KDM1B: variants seen among roughly 807,000 people sequenced by gnomAD.
KDM1B encodes lysine-specific histone demethylase 2.
A neutral mutation model predicts 107.4 loss-of-function variants in KDM1B; 63 were observed. The observed-to-expected ratio is 0.59, with a 90% CI of 0.48 to 0.72. The LOEUF (loss-of-function observed/expected upper bound fraction) is 0.72, where lower values mean the gene tolerates loss of function less well. Ranked by LOEUF, KDM1B falls within the 30% of genes least tolerant of loss-of-function variation. KDM1B has a pLI of 0.00. For synonymous variants in KDM1B, 363 were observed against 363.9 expected (o/e 1.00, Z 0.03); for missense variants, 749 against 1,020.8 (o/e 0.73, Z 3.63).
At chr6:18,210,263 A>G (rs1788728824) in intron 17 of KDM1B, among the ~76,000 whole-genome samples, 1 of 139,854 alleles carries the variant, frequency 7.2e-6, no homozygotes, top group Non-Finnish European at 1.6e-5. Flanking sequence ...TCTCGCTTTT[A>G]TTACTTACTA....
Position 18,205,946 on chromosome 6 carries a change from C to A in KDM1B, c.1659+282C>A, listed in dbSNP as rs528401012. On this transcript the variant is annotated intron_variant, in intron 15 of 21. Coordinates refer to ENST00000650836, the MANE Select transcript of KDM1B (RefSeq NM_001364614.2). This position sits in a 1 kb window ranked among gnomAD's most constrained non-coding sequence, Gnocchi z 5.7. ...GGCGGAAGTCGTAGTGAGCTGGGAT[C>A]GCGCCACTGCACTCCAGCCTGGAGT... Among the ~76,000 whole-genome samples the A allele has an allele frequency of 2.0e-5, 3 of 151,946 alleles. No homozygotes were observed. Among genetic ancestry groups the A allele is most frequent in the African/African-American group, 4.8e-5 (2 of 41,364 alleles).
chr6:18,165,643 C>T (rs183084941), intron 5 of KDM1B, among the ~76,000 whole-genome samples: 5 of 151,912 alleles, frequency 3.3e-5, no homozygotes, highest in South Asian at 4.1e-4. Flanking sequence ...GCCAACATGA[C>T]GAAACCCCAT....
At chr6:18,179,913 G>GAGT (rs951592116) in intron 7 of KDM1B, among the ~76,000 whole-genome samples, 6 of 125,682 alleles carry the variant, frequency 4.8e-5, no homozygotes, top group Non-Finnish European at 9.5e-5. Context: ...TCCCAGGCCA[G>GAGT]AGTACAGTGG....
In KDM1B at chr6:18,214,371, T is replaced by A. The variant is rs1249041322; in HGVS notation, c.2109+590T>A. On this transcript the variant is annotated intron_variant, in intron 19 of 21. Transcript: ENST00000650836. The surrounding 1 kb of genome is among the most constrained non-coding windows in gnomAD (Gnocchi z 4.4). Reference sequence around the variant, plus strand: ...ATTTTCTTTACCATTTGAGGTTTTTTTATTTTTCATTGTTTTATCTGCAGA... The same window carrying A: ...ATTTTCTTTACCATTTGAGGTTTTTATATTTTTCATTGTTTTATCTGCAGA... 6.6e-6 allele frequency among the ~76,000 whole-genome samples: 1 copy of A among 152,246 alleles called. No individual in the cohort carries two copies. Among genetic ancestry groups the A allele is most frequent in the African/African-American group, 2.4e-5 (1 of 41,462 alleles).
chr6:18,171,404 T>C lies in KDM1B; in HGVS notation c.459T>C (p.Leu153=), dbSNP rs553019173. Residue 153 remains leucine (L), a synonymous_variant, in exon 7 of 22, where the codon CTT becomes CTC. Coordinates refer to ENST00000650836, the MANE Select transcript of KDM1B (RefSeq NM_001364614.2). Reference sequence around the variant, plus strand: ...CTGAGTGTAGAAAATGGAGGCAGCTTACCAAGGAAATCCAGCTTACTCCAC... The same window carrying C: ...CTGAGTGTAGAAAATGGAGGCAGCTCACCAAGGAAATCCAGCTTACTCCAC... ...TKPECRKWRQ[L]TKEIQLTPQI... The C allele has an allele frequency of 6.2e-7, 1 of 1,613,386 alleles. No individual in the cohort carries two copies. The highest frequency in any genetic ancestry group is 1.3e-5 in the African/African-American group (1 of 74,986).
chr6:18,192,083 AC>A (rs950569314), intron 10 of KDM1B, among the ~76,000 whole-genome samples: 2 of 151,418 alleles, frequency 1.3e-5, no homozygotes, highest in East Asian at 3.9e-4. Context: ...ACATAATGAG[AC>A]CCCCCCATCT....
Position 18,210,342 on chromosome 6 carries a change from C to CTTTT in KDM1B, c.1867-2119_1867-2116dup, listed in dbSNP as rs533016543. ...TCTTTCTTTTTTTTCTCTTTCTTTT[C>CTTTT]TTTTTTTTTTTTTTTTTTTTTTTTT... On this transcript the variant is annotated intron_variant, in intron 17 of 21. Coordinates refer to ENST00000650836, the MANE Select transcript of KDM1B (RefSeq NM_001364614.2). Among the ~76,000 whole-genome samples, 357 of 69,644 alleles carry CTTTT rather than the reference C, an allele frequency of 5.1e-3. 2 individuals are homozygous for CTTTT. The highest frequency in any genetic ancestry group is 6.2e-3 in the Non-Finnish European group (209 of 33,810). 45.7% of individuals were successfully genotyped at this position (69,644 alleles called of 152,430 possible).
chr6:18,220,350 A>T (rs1223137091), intron 21 of KDM1B, among the ~76,000 whole-genome samples: 5 of 152,312 alleles, frequency 3.3e-5, no homozygotes, highest in African/African-American at 1.2e-4. Context: ...GGAGTTTGAG[A>T]CCAGCCTGGC....
Position 18,175,398 on chromosome 6 carries a change from T to C in KDM1B, c.534+3919T>C, listed in dbSNP as rs541885423. Among the ~76,000 whole-genome samples, 24 of 152,314 alleles carry C rather than the reference T, an allele frequency of 1.6e-4. No homozygotes were observed. The East Asian group carries it at 3.1e-3, about 20-fold the overall frequency. Reference sequence around the variant, plus strand: ...CTGGATAGTAGTCCTTTGTCAGATGTATAGGTTGTGAAGATTTTCTCCCAC... The same window carrying C: ...CTGGATAGTAGTCCTTTGTCAGATGCATAGGTTGTGAAGATTTTCTCCCAC... On this transcript the variant is annotated intron_variant, in intron 7 of 21. Transcript: ENST00000650836.
chr6:18,185,304 C>CTTT (rs554155812), intron 7 of KDM1B, among the ~76,000 whole-genome samples: 2 of 142,560 alleles, frequency 1.4e-5, no homozygotes, highest in Admixed American at 7.1e-5. Flanking sequence ...CACACTCTCA[C>CTTT]TTTTTTTTTT....
rs1582212524 is a variant in KDM1B, at chr6:18,213,888, C to A, written c.2109+107C>A. 3 of 1,238,712 alleles carry A rather than the reference C, an allele frequency of 2.4e-6. No individual in the cohort carries two copies. The East Asian group carries it at 7.0e-5, about 29-fold the overall frequency. 76.7% of individuals were successfully genotyped at this position (1,238,712 alleles called of 1,614,324 possible). A position where few individuals can be genotyped will look rare whatever the true frequency, so the allele number is the denominator to read the frequency against. ...CAGGAACTAACGAACATCATGGAGA[C>A]CCTGGGTCTATGTTTATATTCTGGG... On this transcript the variant is annotated intron_variant, in intron 19 of 21. Coordinates refer to ENST00000650836, the MANE Select transcript of KDM1B (RefSeq NM_001364614.2). The surrounding 1 kb of genome is among the most constrained non-coding windows in gnomAD (Gnocchi z 5.9).
chr6:18,221,817 A>G (rs1311569212), intron 21 of KDM1B, 92 bp from the exon 22 acceptor site: 2 of 1,007,380 alleles, frequency 2.0e-6, no homozygotes, highest in African/African-American at 1.6e-5. Flanking sequence ...ACAAATCTTT[A>G]TGTTAGACCA....
rs1256177368 is a variant in KDM1B at position 18,222,227 on chromosome 6, G to A, written c.*235G>A. The A allele has an allele frequency of 8.0e-6, 5 of 628,316 alleles. No individual in the cohort carries two copies. The African/African-American group carries it at 9.0e-5, about 11-fold the overall frequency. The allele number at this position is 628,316 out of a possible 1,614,324, so 38.9% of individuals were successfully genotyped here. On this transcript the variant is annotated 3_prime_UTR_variant, in exon 22 of 22. Transcript: ENST00000650836. Reference sequence around the variant, plus strand: ...TCCATAGGTTCAACTACTGCTGAAAGTCTGGATTTCAGAATAAAGCAGAAT... The same window carrying A: ...TCCATAGGTTCAACTACTGCTGAAAATCTGGATTTCAGAATAAAGCAGAAT...
chr6:18,208,601 A>ATGTGTG (rs200698143), intron 17 of KDM1B, among the ~76,000 whole-genome samples: 24 of 38,294 alleles, frequency 6.3e-4, no homozygotes, highest in Non-Finnish European at 7.7e-4. Flanking sequence ...AAGTATGTGT[A>ATGTGTG]TGTATATATA....
At chr6:18,168,790 GA>G (rs1372375305) in intron 6 of KDM1B, among the ~76,000 whole-genome samples, 3 of 152,262 alleles carry the variant, frequency 2.0e-5, no homozygotes, top group Middle Eastern at 3.4e-3. Flanking sequence ...TTTCCCTAAT[GA>G]CTAATGCAAC....
At chr6:18,198,375 C>G (rs1016260547) in intron 12 of KDM1B, among the ~76,000 whole-genome samples, 1 of 151,356 alleles carries the variant, frequency 6.6e-6, no homozygotes, top group Admixed American at 6.6e-5. Flanking sequence ...TATTTTGAGA[C>G]AGTGTTATGA....
At position 18,211,112 on chromosome 6, in the gene KDM1B, A is replaced by G. The variant is rs546318260; in HGVS notation, c.1867-1376A>G. On this transcript the variant is annotated intron_variant, in intron 17 of 21. Coordinates refer to ENST00000650836, the MANE Select transcript of KDM1B (RefSeq NM_001364614.2). This position sits in a 1 kb window ranked among gnomAD's most constrained non-coding sequence, Gnocchi z 5.2. ...TTTTTTGGTTGCATGGTAATTATCT[A>G]TAAATAGATTATAAACTTCTTGATG... Among the ~76,000 whole-genome samples the G allele has an allele frequency of 9.2e-5, 14 of 152,256 alleles. No individual in the cohort carries two copies. The highest frequency in any genetic ancestry group is 3.1e-4 in the African/African-American group (13 of 41,492).
intron 2 of KDM1B, among the ~76,000 whole-genome samples, chr6:18,156,504 G>T (rs1343755970): frequency 6.6e-6 from 1 of 152,130 alleles, no homozygotes; most frequent in African/African-American, 2.4e-5. Context: ...GCAGAAAGGC[G>T]AGTGGGAGAG....
intron 7 of KDM1B, among the ~76,000 whole-genome samples, chr6:18,174,844 G>A (rs1364946741): frequency 9.2e-5 from 14 of 152,154 alleles, no homozygotes; most frequent in African/African-American, 3.1e-4. Flanking sequence ...GTGTATGTAT[G>A]TATGTACACA....
Sources: gnomAD v4.1 joint callset for allele counts (sites outside exome capture counted in the v4.1 genomes callset) on GRCh38, gnomAD v4.1.1 for gene constraint, Gnocchi (gnomAD v3.1) non-coding constraint, MANE v1.5 for transcripts, NCBI Gene and HGNC (gene_info 2026-07-23, HGNC 2026-07-21) for gene names.